RAB11FIP4: variants seen among roughly 807,000 people sequenced by gnomAD.
RAB11FIP4 encodes the protein RAB11 family interacting protein 4.
RAB11FIP4 carries 23 observed loss-of-function variants against 74.3 expected under a neutral mutation model. The observed-to-expected ratio is 0.31, with a 90% CI of 0.22 to 0.44. RAB11FIP4 has a LOEUF of 0.44. RAB11FIP4 is among the 20% of genes least tolerant of loss of function. The probability of loss-of-function intolerance (pLI) is 1.00; values close to 1 mark genes in which losing one functional copy is unlikely to be tolerated. For missense variants in RAB11FIP4, 630 were observed against 863.9 expected, an observed-to-expected ratio of 0.73 and a Z score of 3.39; for synonymous variants, 360 against 359.9, an observed-to-expected ratio of 1.00 and a Z score of 0.00.
chr17:31,465,629 T>C (rs748990708), intron 3 of RAB11FIP4: 1 of 151,194 alleles, frequency 6.6e-6, no homozygotes, highest in Admixed American at 6.6e-5. Flanking sequence ...TGTGATGCTC[T>C]ATGTTGATCG....
At position 31,477,047 on chromosome 17, in the gene RAB11FIP4, G is replaced by A. The variant is rs114369396; in HGVS notation, c.337-40604G>A. ...CCCACCACCTTCTCCACAGGGCAGA[G>A]TCTGCAGCCCTTCTTCTGTCTTTTG... On this transcript the variant is annotated intron_variant, in intron 3 of 14. Coordinates refer to ENST00000621161, the MANE Select transcript of RAB11FIP4 (RefSeq NM_032932.6). 9.8e-4 allele frequency among the ~76,000 whole-genome samples: 150 copies of A among 152,376 alleles called. 1 individual carries two copies. Among genetic ancestry groups the A allele is most frequent in the African/African-American group, 3.5e-3 (146 of 41,594 alleles).
chr17:31,494,159 G>C (rs1032253370), intron 3 of RAB11FIP4, among the ~76,000 whole-genome samples: 2 of 152,180 alleles, frequency 1.3e-5, no homozygotes, highest in East Asian at 1.9e-4. Flanking sequence ...AGAGAGGCAG[G>C]CCAGTTTAGT....
At chr17:31,502,440 G>T (rs1396806953) in intron 3 of RAB11FIP4, among the ~76,000 whole-genome samples, 1 of 151,832 alleles carries the variant, frequency 6.6e-6, no homozygotes, top group Non-Finnish European at 1.5e-5. Context: ...TTAGCTGGGC[G>T]TGCTGGTGGG....
At chr17:31,506,369 A>G (rs2072349196) in intron 3 of RAB11FIP4, among the ~76,000 whole-genome samples, 1 of 152,222 alleles carries the variant, frequency 6.6e-6, no homozygotes, top group Admixed American at 6.5e-5. Context: ...CCATCACTTC[A>G]AACACTTGTC....
intron 1 of RAB11FIP4, among the ~76,000 whole-genome samples, chr17:31,414,771 C>T (rs1381300122): frequency 6.6e-6 from 1 of 152,248 alleles, no homozygotes; most frequent in Non-Finnish European, 1.5e-5. Flanking sequence ...CCCATCACCA[C>T]CTTTTATCCC....
chr17:31,445,556 A>T (rs1165146609), intron 3 of RAB11FIP4, among the ~76,000 whole-genome samples: 3 of 18,934 alleles, frequency 1.6e-4, no homozygotes, highest in Admixed American at 7.3e-4. Flanking sequence ...ATATATATAT[A>T]TATATATATA....
At chr17:31,422,783 C>T (rs991775454) in intron 1 of RAB11FIP4, among the ~76,000 whole-genome samples, 1 of 151,994 alleles carries the variant, frequency 6.6e-6, no homozygotes, top group Non-Finnish European at 1.5e-5. Context: ...GCAAGAATTT[C>T]GAAATTTCCA....
chr17:31,521,466 T>C, intron 5 of RAB11FIP4, 106 bp downstream of exon 5: 1 of 1,008,790 alleles, frequency 9.9e-7, no homozygotes, highest in South Asian at 1.8e-5. Flanking sequence ...CCCTTTTCCT[T>C]TGTCCTCAGC....
intron 3 of RAB11FIP4, among the ~76,000 whole-genome samples, chr17:31,513,010 AGGCTTG>A (rs1294018773): frequency 1.3e-5 from 2 of 152,066 alleles, no homozygotes. Context: ...CTCCAGAGCC[AGGCTTG>A]GGTGGGCGCC....
intron 3 of RAB11FIP4, among the ~76,000 whole-genome samples, chr17:31,459,417 G>A (rs964383016): frequency 2.0e-5 from 3 of 152,072 alleles, no homozygotes; most frequent in Admixed American, 2.0e-4. Flanking sequence ...CTTAACTCCA[G>A]GAGGCCAGAT....
chr17:31,523,825 T>A, intron 8 of RAB11FIP4, 68 bp from the exon 9 acceptor site: 1 of 1,228,310 alleles, frequency 8.1e-7, no homozygotes, highest in South Asian at 1.3e-5. Context: ...ATGAACCTCA[T>A]GGCGTCGAGG....
At chr17:31,522,252 GT>G in intron 6 of RAB11FIP4, 107 bp from the exon 7 acceptor site, 1 of 1,334,980 alleles carries the variant, frequency 7.5e-7, no homozygotes, top group Non-Finnish European at 1.0e-6. Flanking sequence ...ATTCCTTTCA[GT>G]GGGAGGGAAG....
At position 31,536,523 on chromosome 17, in the gene RAB11FIP4, CT is replaced by C. The variant is rs1391586769; in HGVS notation, c.*4792del. The C allele has an allele frequency of 1.3e-5, 2 of 154,330 alleles. No individual in the cohort carries two copies. The highest frequency in any genetic ancestry group is 4.8e-5 in the African/African-American group (2 of 41,542). The allele number at this position is 154,330 out of a possible 1,614,324, so 9.6% of individuals were successfully genotyped here. A position where few individuals can be genotyped will look rare whatever the true frequency, so the allele number is the denominator to read the frequency against. ...GTGCTGGTATCCTCCACAGTCCTTT[CT>C]CCCAGACTCTGGCCCTCCCTTTGGG... On this transcript the variant is annotated 3_prime_UTR_variant, in exon 15 of 15. Coordinates refer to ENST00000621161, the MANE Select transcript of RAB11FIP4 (RefSeq NM_032932.6).
chr17:31,505,616 AT>A, intron 3 of RAB11FIP4, among the ~76,000 whole-genome samples: 1 of 34,396 alleles, frequency 2.9e-5, no homozygotes, highest in Non-Finnish European at 4.6e-5. Context: ...ATAATTATAT[AT>A]AATATATAAT....
chr17:31,443,981 C>T (rs1006434975), intron 3 of RAB11FIP4, among the ~76,000 whole-genome samples: 4 of 152,164 alleles, frequency 2.6e-5, no homozygotes, highest in African/African-American at 7.2e-5. Context: ...CCCAAATTGG[C>T]TCTTTTGCTC....
At chr17:31,466,037 G>A (rs576245045) in intron 3 of RAB11FIP4, among the ~76,000 whole-genome samples, 3 of 151,632 alleles carry the variant, frequency 2.0e-5, no homozygotes, top group Admixed American at 1.3e-4. Context: ...CCAGCTACTC[G>A]GGAGGGCGAG....
chr17:31,397,440 G>C (rs889799943), intron 1 of RAB11FIP4, among the ~76,000 whole-genome samples: 2 of 152,240 alleles, frequency 1.3e-5, no homozygotes, highest in African/African-American at 4.8e-5. Flanking sequence ...CCCAAAAGGT[G>C]ATAGTTAAAG....
chr17:31,481,680 C>T (rs573245625), intron 3 of RAB11FIP4, among the ~76,000 whole-genome samples: 21 of 152,320 alleles, frequency 1.4e-4, no homozygotes, highest in Middle Eastern at 6.8e-3. Flanking sequence ...TCCTCCTCCC[C>T]TGCCACCTCC....
chr17:31,501,349 C>T (rs577257731), intron 3 of RAB11FIP4, among the ~76,000 whole-genome samples: 47 of 151,744 alleles, frequency 3.1e-4, no homozygotes, highest in African/African-American at 1.0e-3. Flanking sequence ...GAAAAAAATG[C>T]GTTTAATACA....
Sources: gnomAD v4.1 joint callset for allele counts (sites outside exome capture counted in the v4.1 genomes callset) on GRCh38, gnomAD v4.1.1 for gene constraint, MANE v1.5 for transcripts, NCBI Gene and HGNC (gene_info 2026-07-23, HGNC 2026-07-21) for gene names.